Variants in CAMK2B observed in about 807,000 individuals in gnomAD.
CAMK2B encodes the protein calcium/calmodulin-dependent protein kinase type II subunit beta.
Under a neutral mutation model 93.7 loss-of-function variants are expected in CAMK2B, and 27 were observed. That is an observed-to-expected ratio of 0.29 (90% CI 0.21 to 0.40). The LOEUF (loss-of-function observed/expected upper bound fraction) is 0.40, where lower values mean the gene tolerates loss of function less well. Among genes scored for constraint, CAMK2B ranks in the 10% least tolerant of loss-of-function variants. CAMK2B has a pLI of 1.00. For missense variants in CAMK2B, 568 were observed against 895.8 expected (o/e 0.63, Z 4.67); for synonymous variants, 374 against 358.8 (o/e 1.04, Z -0.48).
intron 2 of CAMK2B, among the ~76,000 whole-genome samples, chr7:44,279,676 C>T (rs1413776487): frequency 2.0e-5 from 3 of 152,258 alleles, no homozygotes; most frequent in South Asian, 4.1e-4. Flanking sequence ...AGCAGCTCAG[C>T]TCTGCAGCTT....
At chr7:44,305,860 C>T (rs972857780) in intron 1 of CAMK2B, among the ~76,000 whole-genome samples, 6 of 152,160 alleles carry the variant, frequency 3.9e-5, no homozygotes, top group South Asian at 2.1e-4. Flanking sequence ...TGGATTCTTG[C>T]GAGCCAGCTG....
intron 20 of CAMK2B, among the ~76,000 whole-genome samples, chr7:44,222,191 G>A (rs1053845282): frequency 1.3e-5 from 2 of 152,156 alleles, no homozygotes; most frequent in East Asian, 1.9e-4. Context: ...GAAGTGCACC[G>A]GAAGCAGGTT....
chr7:44,298,708 G>A (rs1789017159), intron 1 of CAMK2B, among the ~76,000 whole-genome samples: 1 of 152,126 alleles, frequency 6.6e-6, no homozygotes, highest in African/African-American at 2.4e-5. Flanking sequence ...TTCAAAAAAT[G>A]AGCAAAGAAC....
chr7:44,325,670 G>A, upstream of CAMK2B: 1 of 146,704 alleles, frequency 6.8e-6, no homozygotes, highest in South Asian at 1.8e-4. Flanking sequence ...CACCGCCGCC[G>A]CCGCCGCGCC....
chr7:44,276,913 C>T (rs1005981578), intron 2 of CAMK2B, among the ~76,000 whole-genome samples: 11 of 152,218 alleles, frequency 7.2e-5, no homozygotes, highest in Admixed American at 1.3e-4. Context: ...GGGGAGCCCA[C>T]GCTCAGCTCA....
chr7:44,277,764 AG>A (rs947931416), intron 2 of CAMK2B, among the ~76,000 whole-genome samples: 1 of 150,582 alleles, frequency 6.6e-6, no homozygotes, highest in African/African-American at 2.4e-5. Context: ...CCTGAATAGC[AG>A]GGGGGAAGGC....
At chr7:44,236,287 C>T (rs180683852) in intron 13 of CAMK2B, among the ~76,000 whole-genome samples, 6 of 152,304 alleles carry the variant, frequency 3.9e-5, no homozygotes, top group East Asian at 1.9e-4. Context: ...GTTGTGCCTG[C>T]GCAGTGGCTG....
At chr7:44,256,362 T>C (rs1374070799) in intron 4 of CAMK2B, among the ~76,000 whole-genome samples, 2 of 152,218 alleles carry the variant, frequency 1.3e-5, no homozygotes, top group African/African-American at 4.8e-5. Context: ...TGCATGTGTG[T>C]CTGTGTGTCT....
intron 1 of CAMK2B, among the ~76,000 whole-genome samples, chr7:44,291,310 G>T (rs1261847267): frequency 6.6e-6 from 1 of 152,186 alleles, no homozygotes; most frequent in Non-Finnish European, 1.5e-5. Context: ...AGGAGCTGGA[G>T]TCCCCAGGCC....
At chr7:44,300,918 C>T (rs989166906) in intron 1 of CAMK2B, among the ~76,000 whole-genome samples, 2 of 152,074 alleles carry the variant, frequency 1.3e-5, no homozygotes, top group Non-Finnish European at 2.9e-5. Flanking sequence ...ATACAGTAAT[C>T]ATATAAAGTA....
rs1173097662 is a variant in CAMK2B at position 44,234,709 on chromosome 7, T to C, written c.1022-33A>G. 5 of 1,612,116 alleles carry C rather than the reference T, an allele frequency of 3.1e-6. No individual in the cohort carries two copies. In the South Asian group the frequency reaches 5.5e-5, roughly 18 times the overall value. ...ATGGGGAGGAAGAAGGTATGGTGAG[T>C]GATGGGCCTGGGTCTCGCTGCAGCG... On this transcript the variant is annotated intron_variant, in intron 13 of 23. Transcript: ENST00000395749.
intron 15 of CAMK2B, among the ~76,000 whole-genome samples, chr7:44,233,222 T>C (rs1426824080): frequency 6.6e-6 from 1 of 152,102 alleles, no homozygotes. Context: ...CTTTACTGCC[T>C]GAACCTGTGC....
chr7:44,270,689 T>C (rs867461003), intron 2 of CAMK2B, among the ~76,000 whole-genome samples: 3 of 152,314 alleles, frequency 2.0e-5, no homozygotes, highest in African/African-American at 7.2e-5. Flanking sequence ...AGTAGCGCTG[T>C]TCCTGTCCAG....
intron 19 of CAMK2B, among the ~76,000 whole-genome samples, chr7:44,228,409 G>A (rs1448325330): frequency 6.6e-6 from 1 of 152,122 alleles, no homozygotes; most frequent in African/African-American, 2.4e-5. Context: ...GGCACCATGG[G>A]CAGGGCCCCT....
At chr7:44,247,292 CAGGGGGACA>C (rs1249492515) in intron 5 of CAMK2B, 100 bp from the exon 6 acceptor site, 10 of 970,840 alleles carry the variant, frequency 1.0e-5, no homozygotes, top group Non-Finnish European at 1.6e-5. Context: ...CTGGGGGGAC[CAGGGGGACA>C]AAGCAAGTCA....
intron 1 of CAMK2B, among the ~76,000 whole-genome samples, chr7:44,321,339 G>A (rs961543304): frequency 4.6e-5 from 7 of 152,158 alleles, no homozygotes; most frequent in East Asian, 1.9e-4. Context: ...GGATATAGTC[G>A]CTTGCTGGCG....
rs778590827 is a variant in CAMK2B, at chr7:44,220,084, G to A, written c.1979C>T (p.Ala660Val). ...WQNVHFHCSG[A>V]PVAPLQ ...CCTTCACTGCAGCGGGGCCACAGGC[G>A]CGCCCGAGCAGTGGAAGTGCACGTT... The change falls in exon 23 of 24, where the codon GCG (alanine) becomes GTG (valine). Residue 660 changes from alanine to valine, a missense_variant. Physicochemically the swap from Ala to Val is moderately conservative, Grantham distance 64. Transcript: ENST00000395749. 44 of 1,600,106 alleles carry A rather than the reference G, an allele frequency of 2.7e-5. No homozygotes were observed. The highest frequency in any genetic ancestry group is 3.5e-5 in the Non-Finnish European group (41 of 1,175,954).
chr7:44,310,004 G>A (rs1357850674), intron 1 of CAMK2B, among the ~76,000 whole-genome samples: 2 of 152,222 alleles, frequency 1.3e-5, no homozygotes, highest in Admixed American at 1.3e-4. Flanking sequence ...CGGCTGAGCC[G>A]TGGGCGCCAC....
At chr7:44,242,476 C>A in intron 9 of CAMK2B, 84 bp downstream of exon 9, 1 of 1,495,402 alleles carries the variant, frequency 6.7e-7, no homozygotes, top group Non-Finnish European at 9.2e-7. Context: ...TGGCTTCACC[C>A]CACTCCTAGC....
Sources: gnomAD v4.1 joint callset for allele counts (sites outside exome capture counted in the v4.1 genomes callset) on GRCh38, gnomAD v4.1.1 for gene constraint, MANE v1.5 for transcripts, NCBI Gene and HGNC (gene_info 2026-07-23, HGNC 2026-07-21) for gene names.